Variants in ST8SIA2 observed in about 807,000 individuals in gnomAD.
ST8SIA2 encodes ST8 alpha-N-acetyl-neuraminide alpha-2,8-sialyltransferase 2, also known as alpha-2,8-sialyltransferase 8B.
In ST8SIA2, 22 loss-of-function variants were observed where a neutral mutation model predicts 37.6. The ratio of observed to expected loss-of-function variants is 0.58; its 90% CI spans 0.42 to 0.83. The LOEUF is 0.83. ST8SIA2 is among the 40% of genes least tolerant of loss of function. The pLI is 0.00. For synonymous variants in ST8SIA2, 205 were observed against 201.2 expected (o/e 1.02, Z -0.16); for missense variants, 382 against 484.7 (o/e 0.79, Z 1.99).
At position 92,444,675 on chromosome 15, in the gene ST8SIA2, G is replaced by A. The variant is rs373533619; in HGVS notation, c.588G>A (p.Val196=). The A allele has an allele frequency of 6.2e-7, 1 of 1,614,118 alleles. No homozygotes were observed. The highest frequency in any genetic ancestry group is 8.5e-7 in the Non-Finnish European group (1 of 1,180,048). ...LAPVQEYARD[V]GLKTDLVTMN... is the part of the protein sequence containing the mutation. ...CAGTACAGGAGTATGCCCGGGATGT[G>A]GGGCTCAAGACAGACCTGGTAACCA... Residue 196 remains valine, a synonymous_variant, in exon 5 of 6, where the codon GTG becomes GTA. Coordinates refer to ENST00000268164, the MANE Select transcript of ST8SIA2 (RefSeq NM_006011.4).
chr15:92,428,120 A>G (rs1352653538), intron 1 of ST8SIA2, among the ~76,000 whole-genome samples: 1 of 152,218 alleles, frequency 6.6e-6, no homozygotes, highest in African/African-American at 2.4e-5. Context: ...TTCTTGTGTT[A>G]ATGGTAGTGT....
At chr15:92,443,359 A>G (rs1449986115) in intron 4 of ST8SIA2, among the ~76,000 whole-genome samples, 1 of 152,158 alleles carries the variant, frequency 6.6e-6, no homozygotes, top group Non-Finnish European at 1.5e-5. Context: ...CCAGGTGTGC[A>G]CACCCAGGCC....
intron 5 of ST8SIA2, among the ~76,000 whole-genome samples, chr15:92,463,417 G>T (rs1439766270): frequency 6.6e-6 from 1 of 152,210 alleles, no homozygotes; most frequent in East Asian, 1.9e-4. Flanking sequence ...CTTGGTCAGA[G>T]ATGGGTATCA....
rs1195702154 is a variant in ST8SIA2 at position 92,444,663 on chromosome 15, T to A, written c.576T>A (p.Tyr192Ter). ...IRCNLAPVQE[Y>*]ARDVGLKTDL... is the part of the protein sequence containing the mutation. The stretch of plus-strand genomic sequence containing the variant: ...GCAACCTGGCCCCAGTACAGGAGTA[T>A]GCCCGGGATGTGGGGCTCAAGACAG... The change falls in exon 5 of 6, where the codon TAT (tyrosine) becomes TAA (stop). Residue 192 changes from tyrosine to a stop codon, truncating the protein, a stop_gained. Coordinates refer to ENST00000268164, the MANE Select transcript of ST8SIA2 (RefSeq NM_006011.4). LOFTEE classifies it high-confidence loss of function. 1 of 1,614,130 alleles carries A rather than the reference T, an allele frequency of 6.2e-7. No homozygotes were observed. The highest frequency in any genetic ancestry group is 8.5e-7 in the Non-Finnish European group (1 of 1,180,050).
chr15:92,413,615 G>A (rs953757232), intron 1 of ST8SIA2, among the ~76,000 whole-genome samples: 1 of 152,128 alleles, frequency 6.6e-6, no homozygotes, highest in African/African-American at 2.4e-5. Flanking sequence ...GATGTGTCCC[G>A]GGAAGCCCTT....
At chr15:92,440,373 A>C (rs1479162219) in intron 4 of ST8SIA2, among the ~76,000 whole-genome samples, 2 of 152,120 alleles carry the variant, frequency 1.3e-5, no homozygotes, top group Non-Finnish European at 2.9e-5. Context: ...TACAGCCGGC[A>C]ACTCAGCATT....
intron 4 of ST8SIA2, among the ~76,000 whole-genome samples, chr15:92,443,106 G>A (rs1444160335): frequency 6.6e-6 from 1 of 152,176 alleles, no homozygotes; most frequent in Non-Finnish European, 1.5e-5. Flanking sequence ...GTTGAAAAAG[G>A]AAAGTCCTTG....
chr15:92,394,042 G>T lies in ST8SIA2; in HGVS notation c.-23G>T. ...CTGCTCCTCGCGCCGGCCCGCGTGG[G>T]TCCCGGCGGGCGCGAACCCACCATG... On this transcript the variant is annotated 5_prime_UTR_variant, in exon 1 of 6. Transcript: ENST00000268164. 2 of 1,542,522 alleles carry T rather than the reference G, an allele frequency of 1.3e-6. No individual in the cohort carries two copies. The highest frequency in any genetic ancestry group is 1.8e-6 in the Non-Finnish European group (2 of 1,142,806).
intron 5 of ST8SIA2, among the ~76,000 whole-genome samples, chr15:92,453,213 A>G (rs2049895516): frequency 6.6e-6 from 1 of 152,146 alleles, no homozygotes; most frequent in South Asian, 2.1e-4. Context: ...TTTAACCACT[A>G]TGTGCTGACC....
intron 1 of ST8SIA2, among the ~76,000 whole-genome samples, chr15:92,404,438 A>G (rs1003365530): frequency 2.6e-5 from 4 of 152,182 alleles, no homozygotes; most frequent in African/African-American, 4.8e-5. Context: ...TACAGCTACT[A>G]TGGAAAACAG....
chr15:92,426,037 G>A (rs1029386302), intron 1 of ST8SIA2, among the ~76,000 whole-genome samples: 12 of 152,198 alleles, frequency 7.9e-5, no homozygotes, highest in East Asian at 1.9e-4. Flanking sequence ...ACGCCCCCTC[G>A]AGGACTTACA....
At chr15:92,409,861 G>A (rs925794511) in intron 1 of ST8SIA2, among the ~76,000 whole-genome samples, 6 of 152,226 alleles carry the variant, frequency 3.9e-5, no homozygotes, top group East Asian at 1.9e-4. Context: ...AAGTGCATCC[G>A]ATCCATTTTA....
rs182681908 is a variant in ST8SIA2 at position 92,400,504 on chromosome 15, G to T, written c.98+6342G>T. Among the ~76,000 whole-genome samples the T allele has an allele frequency of 7.9e-5, 12 of 152,164 alleles. 1 individual carries two copies. The highest frequency in any genetic ancestry group is 5.9e-4 in the Admixed American group (9 of 15,286). On this transcript the variant is annotated intron_variant, in intron 1 of 5. Coordinates refer to ENST00000268164, the MANE Select transcript of ST8SIA2 (RefSeq NM_006011.4). ...CCCCTGCTTTTCCTGTGTATCTAGC[G>T]TGGAGGGTGCATCCCAGTGAAGAGC...
intron 1 of ST8SIA2, among the ~76,000 whole-genome samples, chr15:92,410,026 G>A (rs1297010469): frequency 6.6e-6 from 1 of 152,250 alleles, no homozygotes; most frequent in Non-Finnish European, 1.5e-5. Context: ...CTGGGCTTTG[G>A]TTGTGGATTT....
chr15:92,394,441 C>A (rs1451430483), intron 1 of ST8SIA2, among the ~76,000 whole-genome samples: 2 of 152,118 alleles, frequency 1.3e-5, no homozygotes, highest in Non-Finnish European at 2.9e-5. Flanking sequence ...CCCTGCCCCC[C>A]TGCCTGGCGT....
At chr15:92,407,216 GTGGCGATCTAGC>G (rs893444758) in intron 1 of ST8SIA2, among the ~76,000 whole-genome samples, 2 of 152,182 alleles carry the variant, frequency 1.3e-5, no homozygotes, top group African/African-American at 4.8e-5. Flanking sequence ...CTTAAACTGT[GTGGCGATCTAGC>G]TGGCTGTTTT....
intron 4 of ST8SIA2, among the ~76,000 whole-genome samples, chr15:92,439,292 A>G (rs2049783942): frequency 6.6e-6 from 1 of 152,210 alleles, no homozygotes; most frequent in Non-Finnish European, 1.5e-5. Context: ...GTGCGGGAGT[A>G]ACAGAGAAAC....
At chr15:92,442,620 C>T (rs1038654715) in intron 4 of ST8SIA2, among the ~76,000 whole-genome samples, 3 of 152,108 alleles carry the variant, frequency 2.0e-5, no homozygotes, top group Admixed American at 6.5e-5. Flanking sequence ...CTGGCTCAGC[C>T]GGGTTTCAAG....
intron 5 of ST8SIA2, among the ~76,000 whole-genome samples, chr15:92,459,886 A>C (rs192322856): frequency 6.6e-6 from 1 of 152,290 alleles, no homozygotes; most frequent in East Asian, 1.9e-4. Flanking sequence ...AACATTTAAA[A>C]ATTTGGAGAA....
Sources: gnomAD v4.1 joint callset for allele counts (sites outside exome capture counted in the v4.1 genomes callset) on GRCh38, gnomAD v4.1.1 for gene constraint, MANE v1.5 for transcripts, NCBI Gene and HGNC (gene_info 2026-07-23, HGNC 2026-07-21) for gene names.